The following PCDHGA3 variants were observed in gnomAD, a reference collection of about 807,000 sequenced individuals.
PCDHGA3 encodes the protein protocadherin gamma-A3.
Under a neutral mutation model 58.5 loss-of-function variants are expected in PCDHGA3, and 40 were observed. That is an observed-to-expected ratio of 0.68 (90% confidence interval 0.53 to 0.89). The LOEUF (loss-of-function observed/expected upper bound fraction) is 0.89, where lower values mean the gene tolerates loss of function less well. PCDHGA3 is among the 40% of genes least tolerant of loss of function. The probability of loss-of-function intolerance (pLI) is 0.00; values close to 1 mark genes in which losing one functional copy is unlikely to be tolerated. For synonymous variants in PCDHGA3, 530 were observed against 525.7 expected (o/e 1.01, Z -0.11); for missense variants, 1,223 against 1,195.9 (o/e 1.02, Z -0.33).
chr5:141,511,443 C>A lies in PCDHGA3; in HGVS notation c.*270C>A. On this transcript the variant is annotated 3_prime_UTR_variant, in exon 4 of 4. Coordinates refer to ENST00000253812, the MANE Select transcript of PCDHGA3 (RefSeq NM_018916.4). ...GGGGTAGTGGGGTTACTGTAGACAC[C>A]AAGAACCATTTGCCACACCCCGTTT... 1 of 670,886 alleles carries A rather than the reference C, an allele frequency of 1.5e-6. No homozygotes were observed. Among genetic ancestry groups the A allele is most frequent in the Non-Finnish European group, 2.4e-6 (1 of 421,442 alleles). 41.6% of individuals were successfully genotyped at this position (670,886 alleles called of 1,614,324 possible).
chr5:141,408,922 G>C, intron 1 of PCDHGA3: 1 of 1,613,222 alleles, frequency 6.2e-7, no homozygotes. Context: ...ATAACCCCCC[G>C]GTTTTCAGCA....
chr5:141,389,873 C>T (rs767569258), intron 1 of PCDHGA3: 2 of 1,614,070 alleles, frequency 1.2e-6, no homozygotes, highest in Admixed American at 1.7e-5. Context: ...TGGTCTTCGC[C>T]GACAGCTTGC....
intron 1 of PCDHGA3, among the ~76,000 whole-genome samples, chr5:141,454,829 A>T (rs2098803417): frequency 1.4e-5 from 1 of 70,192 alleles, no homozygotes. Context: ...TTTTTTTGAG[A>T]CAGAGTCGCG....
At chr5:141,370,622 C>G in intron 1 of PCDHGA3, 1 of 1,613,902 alleles carries the variant, frequency 6.2e-7, no homozygotes, top group South Asian at 1.1e-5. Context: ...AATTCTTTAC[C>G]GTGAGCCCCG....
At chr5:141,481,607 C>A (rs2099540195) in intron 1 of PCDHGA3, among the ~76,000 whole-genome samples, 1 of 152,158 alleles carries the variant, frequency 6.6e-6, no homozygotes, top group Admixed American at 6.5e-5. Flanking sequence ...CACCTGAGGC[C>A]AGGAGTTCAA....
In PCDHGA3 at chr5:141,351,738, A is replaced by G. The variant is rs1758802702; in HGVS notation, c.2424+5281A>G. 3.7e-6 allele frequency: 6 copies of G among 1,613,658 alleles called. No homozygotes were observed. The highest frequency in any genetic ancestry group is 4.2e-6 in the Non-Finnish European group (5 of 1,179,894). ...TACTCTATTCTGGCCAGTGACCTGG[A>G]GCCGCGGGAGCTGTTGTCCTACGTG... On this transcript the variant is annotated intron_variant, in intron 1 of 3. Transcript: ENST00000253812.
chr5:141,359,844 A>C (rs1481453011), intron 1 of PCDHGA3, among the ~76,000 whole-genome samples: 1 of 152,184 alleles, frequency 6.6e-6, no homozygotes, highest in Non-Finnish European at 1.5e-5. Flanking sequence ...ACAAATGAAG[A>C]CTTTATAAAT....
At chr5:141,397,632 G>A (rs1338700585) in intron 1 of PCDHGA3, among the ~76,000 whole-genome samples, 2 of 152,222 alleles carry the variant, frequency 1.3e-5, no homozygotes, top group African/African-American at 4.8e-5. Context: ...CTAGCTAAGA[G>A]TTCAAGGTAT....
intron 1 of PCDHGA3, chr5:141,382,957 C>T (rs1350220102): frequency 6.2e-7 from 1 of 1,606,282 alleles, no homozygotes; most frequent in Non-Finnish European, 8.5e-7. Flanking sequence ...CTCCATCCTC[C>T]TGGGGACCCC....
At chr5:141,399,937 G>C in intron 1 of PCDHGA3, 1 of 1,612,360 alleles carries the variant, frequency 6.2e-7, no homozygotes, top group African/African-American at 1.3e-5. Flanking sequence ...GTCCTACCAC[G>C]TGCTGCAGGC....
intron 1 of PCDHGA3, chr5:141,365,047 G>A (rs1436850571): frequency 2.5e-6 from 4 of 1,613,804 alleles, no homozygotes; most frequent in Non-Finnish European, 3.4e-6. Flanking sequence ...ACGACAATGC[G>A]CCCCTGTTCA....
At chr5:141,492,500 C>G (rs2099741252) in intron 1 of PCDHGA3, among the ~76,000 whole-genome samples, 1 of 152,322 alleles carries the variant, frequency 6.6e-6, no homozygotes, top group South Asian at 2.1e-4. Flanking sequence ...GCGAGGACTC[C>G]GGAGCCTCCT....
chr5:141,452,654 T>C (rs2098746449), intron 1 of PCDHGA3, among the ~76,000 whole-genome samples: 1 of 151,162 alleles, frequency 6.6e-6, no homozygotes, highest in Non-Finnish European at 1.5e-5. Context: ...ATTTGCTCCA[T>C]CCACTGCACT....
intron 1 of PCDHGA3, among the ~76,000 whole-genome samples, chr5:141,492,435 C>T (rs191116850): frequency 8.5e-5 from 13 of 152,348 alleles, no homozygotes; most frequent in Admixed American, 8.5e-4. Context: ...CTCAGGAGTA[C>T]TCGTAGCTGA....
At chr5:141,415,740 G>GTTTTTTTTTTTTTTTTT (rs57426385) in intron 1 of PCDHGA3, 21 of 625,042 alleles carry the variant, frequency 3.4e-5, no homozygotes, top group African/African-American at 7.5e-5. Flanking sequence ...GTTTATTAAG[G>GTTTTTTTTTTTTTTTTT]TTTTTTTTTT....
At chr5:141,467,672 A>T (rs1410623274) in intron 1 of PCDHGA3, among the ~76,000 whole-genome samples, 2 of 151,636 alleles carry the variant, frequency 1.3e-5, no homozygotes, top group Non-Finnish European at 2.9e-5. Context: ...GAAGATTTTT[A>T]TTTTTTTTAG....
At chr5:141,347,519 G>A (rs1386331120) in intron 1 of PCDHGA3, among the ~76,000 whole-genome samples, 1 of 152,132 alleles carries the variant, frequency 6.6e-6, no homozygotes, top group Non-Finnish European at 1.5e-5. Context: ...TGGGTGCAGT[G>A]GCTCATGCTG....
intron 1 of PCDHGA3, chr5:141,392,738 T>C (rs2150490352): frequency 4.2e-6 from 6 of 1,433,676 alleles, no homozygotes; most frequent in Non-Finnish European, 5.5e-6. Flanking sequence ...GTCATCTCCA[T>C]AGCTGCGGCA....
intron 1 of PCDHGA3, chr5:141,372,265 G>C: frequency 1.5e-5 from 25 of 1,613,132 alleles, no homozygotes; most frequent in Non-Finnish European, 2.1e-5. Flanking sequence ...CTGCGCACGG[G>C]TGAGGTGCGC....
Sources: gnomAD v4.1 joint callset for allele counts (sites outside exome capture counted in the v4.1 genomes callset) on GRCh38, gnomAD v4.1.1 for gene constraint, MANE v1.5 for transcripts, NCBI Gene and HGNC (gene_info 2026-07-23, HGNC 2026-07-21) for gene names.